Variants in ADAMTS9 observed in about 807,000 individuals in gnomAD.
ADAMTS9 encodes A disintegrin and metalloproteinase with thrombospondin motifs 9.
ADAMTS9 carries 107 observed loss-of-function variants against 257.1 expected under a neutral mutation model. That is an observed-to-expected ratio of 0.42 (90% CI 0.36 to 0.49). The LOEUF is 0.49. ADAMTS9 is among the 20% of genes least tolerant of loss of function. ADAMTS9 has a pLI of 0.03. For missense variants in ADAMTS9, 2,353 were observed against 2,469.1 expected, an observed-to-expected ratio of 0.95 and a Z score of 1.00; for synonymous variants, 982 against 880.9, an observed-to-expected ratio of 1.11 and a Z score of -2.03.
rs73122289 is a variant in ADAMTS9, at chr3:64,631,624, A to T, written c.2294-74T>A. 8.2e-3 allele frequency: 11,074 copies of T among 1,345,422 alleles called. 272 individuals are homozygous for T. Among genetic ancestry groups the T allele is most frequent in the South Asian group, 0.061 (5,192 of 85,132 alleles). 83.3% of individuals were successfully genotyped at this position (1,345,422 alleles called of 1,614,324 possible). Reference sequence around the variant, plus strand: ...TCTCTAAGTATGGAATAAAAAGTGGACAACAAAGGAATAGAATATAATTCT... The same window carrying T: ...TCTCTAAGTATGGAATAAAAAGTGGTCAACAAAGGAATAGAATATAATTCT... On this transcript the variant is annotated intron_variant, in intron 15 of 39. Transcript: ENST00000498707.
At chr3:64,575,469 C>T (rs1391910589) in intron 28 of ADAMTS9, among the ~76,000 whole-genome samples, 2 of 152,172 alleles carry the variant, frequency 1.3e-5, no homozygotes, top group Non-Finnish European at 2.9e-5. Flanking sequence ...CACTCTGATT[C>T]TTTCTCACCC....
chr3:64,604,838 C>G (rs1293402885), intron 23 of ADAMTS9, among the ~76,000 whole-genome samples: 2 of 152,186 alleles, frequency 1.3e-5, no homozygotes, highest in Non-Finnish European at 2.9e-5. Context: ...TTGGCCAATG[C>G]CTGGACTTCA....
At chr3:64,616,799 G>C (rs2106848178) in intron 19 of ADAMTS9, among the ~76,000 whole-genome samples, 1 of 152,190 alleles carries the variant, frequency 6.6e-6, no homozygotes, top group Middle Eastern at 3.4e-3. Context: ...TTGTTGATTA[G>C]ATTTAGAAAT....
chr3:64,643,445 A>ATTTTTTTTTTTTTTTTTTTTTT (rs57471985), intron 11 of ADAMTS9, among the ~76,000 whole-genome samples: 7 of 61,416 alleles, frequency 1.1e-4, no homozygotes, highest in South Asian at 6.9e-4. Context: ...TTACTCAATA[A>ATTTTTTTTTTTTTTTTTTTTTT]TTTTTTTTTT....
intron 3 of ADAMTS9, among the ~76,000 whole-genome samples, chr3:64,680,222 G>A (rs967543021): frequency 6.6e-6 from 1 of 152,172 alleles, no homozygotes. Flanking sequence ...AGCATTTGAG[G>A]AAACTCCCTG....
At chr3:64,548,129 G>A (rs905700546) in intron 31 of ADAMTS9, among the ~76,000 whole-genome samples, 2 of 152,146 alleles carry the variant, frequency 1.3e-5, no homozygotes, top group African/African-American at 4.8e-5. Context: ...GCAGTGAGAA[G>A]CCACAGTGTC....
intron 37 of ADAMTS9, among the ~76,000 whole-genome samples, chr3:64,537,979 C>T (rs1017229793): frequency 6.6e-6 from 1 of 152,158 alleles, no homozygotes; most frequent in Non-Finnish European, 1.5e-5. Context: ...AAGTGTAGAA[C>T]CACAGAATGG....
intron 32 of ADAMTS9, among the ~76,000 whole-genome samples, chr3:64,543,158 C>A (rs1319733608): frequency 6.6e-6 from 1 of 152,156 alleles, no homozygotes. Context: ...CAGGACCAGA[C>A]AGATTCACAG....
intron 4 of ADAMTS9, among the ~76,000 whole-genome samples, 170 bp downstream of exon 4, chr3:64,658,332 G>A (rs987579624): frequency 1.1e-4 from 17 of 152,322 alleles, no homozygotes; most frequent in East Asian, 3.9e-4. Flanking sequence ...GATAACCACT[G>A]TTGTCAGTTT....
At chr3:64,628,707 G>A (rs1264809083) in intron 16 of ADAMTS9, among the ~76,000 whole-genome samples, 3 of 152,184 alleles carry the variant, frequency 2.0e-5, no homozygotes, top group Admixed American at 2.0e-4. Context: ...TTCCAAGTAA[G>A]GCTTTACGGC....
At chr3:64,599,771 G>T (rs1180088227) in intron 26 of ADAMTS9, among the ~76,000 whole-genome samples, 2 of 152,212 alleles carry the variant, frequency 1.3e-5, no homozygotes, top group Non-Finnish European at 2.9e-5. Context: ...GACCAAATGT[G>T]TGCGGCCACC....
intron 28 of ADAMTS9, among the ~76,000 whole-genome samples, chr3:64,570,302 T>C (rs893705456): frequency 3.9e-5 from 6 of 152,082 alleles, no homozygotes; most frequent in African/African-American, 1.2e-4. Flanking sequence ...AAAATAAATA[T>C]ATGATTATTC....
Position 64,615,435 on chromosome 3 carries a change from G to A in ADAMTS9, c.3075C>T (p.Val1025=), listed in dbSNP as rs1327837227. 2.5e-6 allele frequency: 4 copies of A among 1,613,916 alleles called. No individual in the cohort carries two copies. The highest frequency in any genetic ancestry group is 3.4e-6 in the Non-Finnish European group (4 of 1,179,886). Reference sequence around the variant, plus strand: ...CATCCAGTACATCATTTCGGGTATTGACACAAATAGCCCTTCTCCTCTGGG... The same window carrying A: ...CATCCAGTACATCATTTCGGGTATTAACACAAATAGCCCTTCTCCTCTGGG... The part of the protein sequence containing the change: ...GGTQRRRAIC[V]NTRNDVLDDS... The change falls in exon 21 of 40, where the codon GTC becomes GTT. Residue 1025 remains valine, a synonymous_variant. Transcript: ENST00000498707.
intron 39 of ADAMTS9, among the ~76,000 whole-genome samples, chr3:64,518,610 T>C (rs961765565): frequency 6.6e-6 from 1 of 152,104 alleles, no homozygotes; most frequent in Admixed American, 6.5e-5. Context: ...CCTGACATTG[T>C]GCATTTCTAA....
At chr3:64,634,059 G>A (rs553812890) in intron 12 of ADAMTS9, among the ~76,000 whole-genome samples, 180 bp from the exon 13 acceptor site, 1 of 152,062 alleles carries the variant, frequency 6.6e-6, no homozygotes, top group African/African-American at 2.4e-5. Flanking sequence ...ACCATGATGT[G>A]TATAACCTTG....
chr3:64,652,938 A>T (rs1245254094), intron 8 of ADAMTS9, among the ~76,000 whole-genome samples: 2 of 152,198 alleles, frequency 1.3e-5, no homozygotes, highest in Non-Finnish European at 2.9e-5. Context: ...AAAATTATTT[A>T]AAAATATCAT....
chr3:64,536,658 T>TAC (rs2083053742), intron 37 of ADAMTS9, among the ~76,000 whole-genome samples: 2 of 152,174 alleles, frequency 1.3e-5, no homozygotes, highest in African/African-American at 4.8e-5. Context: ...TTCTACTCCT[T>TAC]ACCCTCCTCC....
At chr3:64,586,293 A>T (rs1391631609) in intron 28 of ADAMTS9, among the ~76,000 whole-genome samples, 1 of 152,162 alleles carries the variant, frequency 6.6e-6, no homozygotes, top group Non-Finnish European at 1.5e-5. Flanking sequence ...AATAAAAAAA[A>T]AATCAAAGTC....
At chr3:64,680,984 A>G (rs1701739304) in intron 3 of ADAMTS9, among the ~76,000 whole-genome samples, 1 of 152,220 alleles carries the variant, frequency 6.6e-6, no homozygotes, top group Non-Finnish European at 1.5e-5. Flanking sequence ...TCCTGACTTT[A>G]TAACTTCTTA....
Sources: gnomAD v4.1 joint callset for allele counts (sites outside exome capture counted in the v4.1 genomes callset) on GRCh38, gnomAD v4.1.1 for gene constraint, MANE v1.5 for transcripts, NCBI Gene and HGNC (gene_info 2026-07-23, HGNC 2026-07-21) for gene names.